The following PRKAR2B variants were observed in gnomAD, a reference collection of about 807,000 sequenced individuals.
PRKAR2B encodes protein kinase cAMP-dependent type II regulatory subunit beta.
PRKAR2B carries 14 observed loss-of-function variants against 49.9 expected under a neutral mutation model. The observed-to-expected ratio is 0.28, with a 90% CI of 0.19 to 0.44. PRKAR2B has a LOEUF of 0.44. Among genes scored for constraint, PRKAR2B ranks in the 20% least tolerant of loss-of-function variants. PRKAR2B has a pLI of 1.00. For missense variants in PRKAR2B, 393 were observed against 537.9 expected (o/e 0.73, Z 2.67); for synonymous variants, 196 against 197.7 (o/e 0.99, Z 0.07).
intron 1 of PRKAR2B, chr7:107,067,080 T>C (rs1794164714): frequency 2.0e-5 from 3 of 152,396 alleles, no homozygotes; most frequent in Non-Finnish European, 4.4e-5. Context: ...CTGCCAGTGA[T>C]GTGGAAGGTC....
rs143796548 is a variant in PRKAR2B at position 107,132,056 on chromosome 7, A to C, written c.480+3761A>C. 5.3e-5 allele frequency among the ~76,000 whole-genome samples: 8 copies of C among 152,326 alleles called. No homozygotes were observed. In the South Asian group the frequency reaches 1.2e-3, roughly 24 times the overall value. ...GCAAAGCATGTTGGGAAAACATGAT[A>C]TATTGCTGTAATATGGTCAGGGCAT... On this transcript the variant is annotated intron_variant, in intron 4 of 10. Coordinates refer to ENST00000265717, the MANE Select transcript of PRKAR2B (RefSeq NM_002736.3).
chr7:107,154,738 C>G (rs1796048264), intron 8 of PRKAR2B, among the ~76,000 whole-genome samples: 1 of 152,150 alleles, frequency 6.6e-6, no homozygotes. Context: ...AAGTCAGTGT[C>G]TGTATTATTA....
intron 1 of PRKAR2B, among the ~76,000 whole-genome samples, chr7:107,061,938 A>G (rs933503926): frequency 1.3e-5 from 2 of 152,164 alleles, no homozygotes; most frequent in Non-Finnish European, 2.9e-5. Context: ...AAGCACGTGG[A>G]ATAGTGCTCA....
At position 107,091,663 on chromosome 7, in the gene PRKAR2B, T is replaced by A. The variant is rs192130475; in HGVS notation, c.343+21347T>A. On this transcript the variant is annotated intron_variant, in intron 2 of 10. Transcript: ENST00000265717. ...ATATAACATGGCGTCTAAATACAAG[T>A]CAGCAGTAACTTCTAGTGCTTACAA... 321 of 152,306 alleles carry A rather than the reference T, an allele frequency of 2.1e-3. 2 individuals carry two copies. Among genetic ancestry groups the A allele is most frequent in the African/African-American group, 7.3e-3 (304 of 41,550 alleles). 9.4% of individuals were successfully genotyped at this position (152,306 alleles called of 1,614,324 possible).
intron 2 of PRKAR2B, among the ~76,000 whole-genome samples, chr7:107,107,195 G>A (rs1011179854): frequency 1.3e-5 from 2 of 152,116 alleles, no homozygotes; most frequent in Non-Finnish European, 2.9e-5. Flanking sequence ...AAATTAGCCA[G>A]GCATGGTGGT....
chr7:107,052,186 A>G (rs1013325504), intron 1 of PRKAR2B, among the ~76,000 whole-genome samples: 4 of 152,146 alleles, frequency 2.6e-5, no homozygotes, highest in African/African-American at 9.7e-5. Flanking sequence ...TGGGAGGCCG[A>G]TGCGGGCGGA....
At chr7:107,153,377 T>C in intron 8 of PRKAR2B, 126 bp downstream of exon 8, 1 of 551,798 alleles carries the variant, frequency 1.8e-6, no homozygotes, top group African/African-American at 1.9e-5. Context: ...TAAATATTAC[T>C]TCTACCAAAT....
intron 2 of PRKAR2B, chr7:107,077,193 C>G (rs1434309796): frequency 1.3e-5 from 2 of 152,118 alleles, no homozygotes; most frequent in Non-Finnish European, 2.9e-5. Context: ...ATCACCAATA[C>G]TTGGGAATAC....
intron 2 of PRKAR2B, among the ~76,000 whole-genome samples, chr7:107,109,941 A>G (rs746497318): frequency 2.6e-5 from 4 of 152,202 alleles, no homozygotes; most frequent in African/African-American, 4.8e-5. Flanking sequence ...AAACACCTTC[A>G]TAAGAACCAA....
chr7:107,113,728 A>G (rs1483349620), intron 2 of PRKAR2B, among the ~76,000 whole-genome samples: 2 of 152,098 alleles, frequency 1.3e-5, no homozygotes, highest in Non-Finnish European at 2.9e-5. Context: ...CTTAAAGAAA[A>G]TTTACTTTAA....
intron 7 of PRKAR2B, among the ~76,000 whole-genome samples, chr7:107,151,376 T>A (rs1243278531): frequency 6.6e-6 from 1 of 152,250 alleles, no homozygotes; most frequent in Non-Finnish European, 1.5e-5. Context: ...CTCTCTGGCC[T>A]CTTCCTCTCA....
At chr7:107,101,290 C>T (rs966884972) in intron 2 of PRKAR2B, among the ~76,000 whole-genome samples, 1 of 152,034 alleles carries the variant, frequency 6.6e-6, no homozygotes, top group African/African-American at 2.4e-5. Context: ...CTTCGTGATG[C>T]AGTGACCAGT....
chr7:107,124,446 A>G (rs1379112241), intron 3 of PRKAR2B, among the ~76,000 whole-genome samples: 15 of 152,220 alleles, frequency 9.9e-5, no homozygotes, highest in Admixed American at 9.8e-4. Context: ...TGAAAAGTTA[A>G]AAAACATGAA....
chr7:107,076,061 G>C (rs1794389829), intron 2 of PRKAR2B, among the ~76,000 whole-genome samples: 1 of 152,016 alleles, frequency 6.6e-6, no homozygotes, highest in Admixed American at 6.6e-5. Flanking sequence ...TTCTAGAACA[G>C]TTTAAAGAGT....
At chr7:107,103,694 G>T (rs923847873) in intron 2 of PRKAR2B, among the ~76,000 whole-genome samples, 2 of 152,214 alleles carry the variant, frequency 1.3e-5, no homozygotes, top group African/African-American at 2.4e-5. Flanking sequence ...AGACTTACTG[G>T]CTTTTTCTAT....
In PRKAR2B at chr7:107,058,727, TA is replaced by T. The variant is rs573335186; in HGVS notation, c.308-11549del. ...TTGAATTTTAACAAAAACCCGTTTG[TA>T]AAAAGAATATTTTATGAAAAATATT... On this transcript the variant is annotated intron_variant, in intron 1 of 10. Transcript: ENST00000265717. 2.4e-3 allele frequency among the ~76,000 whole-genome samples: 364 copies of T among 152,336 alleles called. 3 individuals carry two copies. The highest frequency in any genetic ancestry group is 8.2e-3 in the African/African-American group (343 of 41,586).
chr7:107,111,031 G>T (rs1303736274), intron 2 of PRKAR2B, among the ~76,000 whole-genome samples: 1 of 152,130 alleles, frequency 6.6e-6, no homozygotes, highest in Non-Finnish European at 1.5e-5. Flanking sequence ...TAGGCCAGAG[G>T]GGAGCCCACT....
intron 4 of PRKAR2B, among the ~76,000 whole-genome samples, chr7:107,133,958 G>A (rs1292374685): frequency 1.3e-5 from 2 of 151,966 alleles, no homozygotes; most frequent in Admixed American, 1.3e-4. Flanking sequence ...GTCATGCAAT[G>A]CACATACAAA....
chr7:107,114,528 A>AT (rs761914948), intron 2 of PRKAR2B, among the ~76,000 whole-genome samples: 1,623 of 131,524 alleles, frequency 0.012, 21 homozygotes, highest in African/African-American at 0.021. Context: ...TGCCCGGTTA[A>AT]TTTTTTTTTT....
Sources: gnomAD v4.1 joint callset for allele counts (sites outside exome capture counted in the v4.1 genomes callset) on GRCh38, gnomAD v4.1.1 for gene constraint, MANE v1.5 for transcripts, NCBI Gene and HGNC (gene_info 2026-07-23, HGNC 2026-07-21) for gene names.